The following SORCS1 variants were observed in gnomAD, a reference collection of about 807,000 sequenced individuals.
SORCS1 encodes the protein sortilin related VPS10 domain containing receptor 1.
A neutral mutation model predicts 146.1 loss-of-function variants in SORCS1; 60 were observed. The ratio of observed to expected loss-of-function variants is 0.41; its 90% CI spans 0.33 to 0.51. SORCS1 has a LOEUF of 0.51. Among genes scored for constraint, SORCS1 ranks in the 20% least tolerant of loss-of-function variants. The pLI is 0.21. For synonymous variants in SORCS1, 637 were observed against 584.0 expected, an observed-to-expected ratio of 1.09 and a Z score of -1.31; for missense variants, 1,352 against 1,487.6, an observed-to-expected ratio of 0.91 and a Z score of 1.50.
At chr10:107,007,530 C>A (rs7075315) in intron 1 of SORCS1, among the ~76,000 whole-genome samples, 3 of 152,172 alleles carry the variant, frequency 2.0e-5, no homozygotes, top group African/African-American at 7.2e-5. Flanking sequence ...CTCCAGCCCC[C>A]GCTGAGCCTC....
chr10:106,943,450 C>T (rs1010685950), intron 2 of SORCS1, among the ~76,000 whole-genome samples: 10 of 152,120 alleles, frequency 6.6e-5, no homozygotes, highest in African/African-American at 2.4e-4. Context: ...GCCATGTATA[C>T]TTTAATTATC....
At chr10:106,600,424 C>G in intron 23 of SORCS1, 1 of 982,034 alleles carries the variant, frequency 1.0e-6, no homozygotes, top group Non-Finnish European at 1.2e-6. Context: ...GAAAACAAAA[C>G]TAAATAAAAT....
intron 3 of SORCS1, among the ~76,000 whole-genome samples, chr10:106,781,211 C>T (rs1023442613): frequency 3.0e-4 from 45 of 152,128 alleles, no homozygotes; most frequent in Non-Finnish European, 7.4e-5. Context: ...ATATGCTGTT[C>T]TTGGAATTCC....
intron 1 of SORCS1, among the ~76,000 whole-genome samples, chr10:107,152,695 G>C (rs1290850349): frequency 1.3e-5 from 2 of 152,160 alleles, no homozygotes; most frequent in African/African-American, 2.4e-5. Context: ...TGCCATGATT[G>C]TAAGTTTCTG....
At chr10:106,808,147 G>A (rs915799954) in intron 3 of SORCS1, among the ~76,000 whole-genome samples, 1 of 152,188 alleles carries the variant, frequency 6.6e-6, no homozygotes, top group African/African-American at 2.4e-5. Flanking sequence ...GGCCTCCCGA[G>A]TAGCTGGGAT....
intron 1 of SORCS1, among the ~76,000 whole-genome samples, chr10:107,075,534 G>GA (rs34571721): frequency 2.0e-5 from 3 of 152,002 alleles, no homozygotes; most frequent in Non-Finnish European, 4.4e-5. Context: ...TACTGTTACA[G>GA]AAAAAATCAT....
intron 1 of SORCS1, among the ~76,000 whole-genome samples, chr10:107,082,057 C>T (rs1177887671): frequency 6.6e-6 from 1 of 152,208 alleles, no homozygotes. Flanking sequence ...AGCAATAGCA[C>T]CATTTCTTAA....
chr10:106,749,129 C>T (rs1195090894), intron 5 of SORCS1, among the ~76,000 whole-genome samples: 4 of 152,182 alleles, frequency 2.6e-5, no homozygotes, highest in Non-Finnish European at 5.9e-5. Flanking sequence ...TCTGCCTGAA[C>T]TATATTTCTC....
intron 1 of SORCS1, among the ~76,000 whole-genome samples, chr10:107,006,187 C>T (rs896551676): frequency 2.6e-5 from 4 of 152,168 alleles, no homozygotes; most frequent in African/African-American, 9.7e-5. Context: ...TATTCTAGGT[C>T]CTCCTGGTAG....
At chr10:106,761,694 T>A in intron 4 of SORCS1, 33 bp from the exon 5 acceptor site, 1 of 1,554,806 alleles carries the variant, frequency 6.4e-7, no homozygotes, top group Non-Finnish European at 8.9e-7. Context: ...AGCACTATGG[T>A]TCTATAGTAC....
Position 106,579,514 on chromosome 10 carries a change from C to T in SORCS1, c.3266-40G>A, listed in dbSNP as rs779835146. 6.2e-6 allele frequency: 10 copies of T among 1,603,910 alleles called. No individual in the cohort carries two copies. The African/African-American group carries it at 6.7e-5, about 11-fold the overall frequency. On this transcript the variant is annotated intron_variant, in intron 24 of 25. Transcript: ENST00000263054. Reference sequence around the variant, plus strand: ...AGAGCAGAGAAAAATGAGCAGAGAACTGGGCAGGTGAGACTCTATGAGAGG... The same window carrying T: ...AGAGCAGAGAAAAATGAGCAGAGAATTGGGCAGGTGAGACTCTATGAGAGG...
At chr10:106,824,089 G>C (rs1014426354) in intron 3 of SORCS1, among the ~76,000 whole-genome samples, 3 of 148,522 alleles carry the variant, frequency 2.0e-5, no homozygotes, top group Non-Finnish European at 4.5e-5. Flanking sequence ...GGATCACCTG[G>C]GGTCAGGAGT....
chr10:106,867,206 A>C (rs1950251294), intron 2 of SORCS1, among the ~76,000 whole-genome samples: 1 of 152,222 alleles, frequency 6.6e-6, no homozygotes, highest in South Asian at 2.1e-4. Context: ...TAGGTCACCT[A>C]CAAAGGGAAT....
chr10:106,882,035 T>C (rs1001246912), intron 2 of SORCS1, among the ~76,000 whole-genome samples: 4 of 152,186 alleles, frequency 2.6e-5, no homozygotes, highest in African/African-American at 9.7e-5. Context: ...TCTCTGTGTC[T>C]GGATTTAGTA....
chr10:107,104,667 G>A (rs1965181087), intron 1 of SORCS1, among the ~76,000 whole-genome samples: 1 of 152,234 alleles, frequency 6.6e-6, no homozygotes, highest in Admixed American at 6.5e-5. Flanking sequence ...TTGGCAATTT[G>A]GAAAAGTACT....
intron 1 of SORCS1, among the ~76,000 whole-genome samples, chr10:107,035,962 CAATA>C (rs1958889873): frequency 6.7e-6 from 1 of 149,084 alleles, no homozygotes; most frequent in Non-Finnish European, 1.5e-5. Flanking sequence ...AGTTTGTAAA[CAATA>C]TATATATTGT....
upstream of SORCS1, among the ~76,000 whole-genome samples, chr10:107,166,104 CAT>C (rs1392992705): frequency 6.6e-6 from 1 of 152,152 alleles, no homozygotes; most frequent in Non-Finnish European, 1.5e-5. Flanking sequence ...CTCTTAGGTA[CAT>C]GTTATTACAT....
At position 106,829,674 on chromosome 10, in the gene SORCS1, C is replaced by A; in HGVS notation, c.627-1G>T. ...ATAGGTTGTTCCATAATCGGTTGAC[C>A]TATAATCCAAAAAGAGCATTAATGA... On this transcript the variant is annotated splice_acceptor_variant, in intron 2 of 25. Transcript: ENST00000263054. LOFTEE classifies it high-confidence loss of function. 1 of 1,599,714 alleles carries A rather than the reference C, an allele frequency of 6.3e-7. No individual in the cohort carries two copies. Among genetic ancestry groups the A allele is most frequent in the Non-Finnish European group, 8.6e-7 (1 of 1,168,498 alleles).
At chr10:106,688,550 G>A (rs1405892432) in intron 9 of SORCS1, among the ~76,000 whole-genome samples, 1 of 152,122 alleles carries the variant, frequency 6.6e-6, no homozygotes, top group Non-Finnish European at 1.5e-5. Context: ...TATCATATGG[G>A]GGTCACAACA....
Sources: allele counts gnomAD v4.1 joint callset (sites outside exome capture counted in the v4.1 genomes callset), GRCh38; gene constraint gnomAD v4.1.1; transcripts MANE v1.5; gene names NCBI Gene and HGNC (gene_info 2026-07-23, HGNC 2026-07-21).